The following WDR37 variants were observed in gnomAD, a reference collection of about 807,000 sequenced individuals.
WDR37 encodes WD repeat-containing protein 37.
A neutral mutation model predicts 62.9 loss-of-function variants in WDR37; 19 were observed. That is an observed-to-expected ratio of 0.30 (90% CI 0.21 to 0.44). The LOEUF (loss-of-function observed/expected upper bound fraction) is 0.44. Among genes scored for constraint, WDR37 ranks in the 20% least tolerant of loss-of-function variants. WDR37 has a pLI of 1.00. For missense variants in WDR37, 474 were observed against 657.6 expected, an observed-to-expected ratio of 0.72 and a Z score of 3.05; for synonymous variants, 250 against 260.9, an observed-to-expected ratio of 0.96 and a Z score of 0.40.
chr10:1,062,082 C>G (rs1223683947), intron 1 of WDR37, among the ~76,000 whole-genome samples: 1 of 151,430 alleles, frequency 6.6e-6, no homozygotes, highest in African/African-American at 2.4e-5. Flanking sequence ...GGTGATAGGA[C>G]CAATACAGAC....
chr10:1,107,660 AAC>A (rs1835067464), intron 11 of WDR37, among the ~76,000 whole-genome samples: 2 of 149,066 alleles, frequency 1.3e-5, no homozygotes, highest in South Asian at 2.1e-4. Context: ...CTCTCTCTGA[AAC>A]ACACGCCCAC....
intron 3 of WDR37, among the ~76,000 whole-genome samples, chr10:1,079,191 T>A (rs1017244014): frequency 1.3e-5 from 2 of 150,544 alleles, no homozygotes; most frequent in African/African-American, 5.0e-5. Context: ...TTCAAGCGAT[T>A]CTCATGCCTC....
At chr10:1,066,770 T>C (rs1251668057) in intron 1 of WDR37, among the ~76,000 whole-genome samples, 1 of 152,164 alleles carries the variant, frequency 6.6e-6, no homozygotes, top group Non-Finnish European at 1.5e-5. Context: ...ATTGGGCAAT[T>C]TACAAAGGAA....
At chr10:1,072,325 T>G in intron 2 of WDR37, 32 bp downstream of exon 2, 4 of 1,604,046 alleles carry the variant, frequency 2.5e-6, no homozygotes, top group South Asian at 1.1e-5. Flanking sequence ...CCTTATTGAT[T>G]GATTGATTTT....
At chr10:1,091,358 G>A (rs900235183) in intron 7 of WDR37, among the ~76,000 whole-genome samples, 4 of 152,212 alleles carry the variant, frequency 2.6e-5, no homozygotes, top group Non-Finnish European at 5.9e-5. Context: ...GCTCCATTGA[G>A]TGCTTAAGTT....
chr10:1,099,294 C>T (rs901250318), intron 9 of WDR37, among the ~76,000 whole-genome samples: 1 of 152,200 alleles, frequency 6.6e-6, no homozygotes. Context: ...CCCCCCAGTT[C>T]GGTGCCTGAA....
rs1031314887 is a variant in WDR37 at position 1,056,432 on chromosome 10, G to C, written c.-577G>C. Reference sequence around the variant, plus strand: ...ACCGCGCCGTCCCCGCCAGGCTCCCGCGCGGCCGGCACCGCGGCCCTGAGC... The same window carrying C: ...ACCGCGCCGTCCCCGCCAGGCTCCCCCGCGGCCGGCACCGCGGCCCTGAGC... On this transcript the variant is annotated 5_prime_UTR_variant, in exon 1 of 14. Coordinates refer to ENST00000263150, the MANE Select transcript of WDR37 (RefSeq NM_014023.4). 2 of 152,120 alleles carry C rather than the reference G, an allele frequency of 1.3e-5. No individual in the cohort carries two copies. Among genetic ancestry groups the C allele is most frequent in the Non-Finnish European group, 2.9e-5 (2 of 68,038 alleles). The allele number at this position is 152,120 out of a possible 1,614,324, so 9.4% of individuals were successfully genotyped here.
rs749828281 is a variant in WDR37, at chr10:1,059,191, C to G, written c.-41+2223C>G. Among the ~76,000 whole-genome samples, 7 of 151,654 alleles carry G rather than the reference C, an allele frequency of 4.6e-5. No homozygotes were observed. The East Asian group carries it at 1.4e-3, about 30-fold the overall frequency. ...AGCAGTCCAAGACCACCCTGGCCAA[C>G]ATGGTGAAGTCCCGTCTCTACTAAA... is the stretch of plus-strand genomic sequence containing the variant. On this transcript the variant is annotated intron_variant, in intron 1 of 13. Coordinates refer to ENST00000263150, the MANE Select transcript of WDR37 (RefSeq NM_014023.4).
chr10:1,073,560 C>G (rs760138427), intron 2 of WDR37, among the ~76,000 whole-genome samples: 7 of 152,130 alleles, frequency 4.6e-5, no homozygotes, highest in African/African-American at 7.2e-5. Context: ...ACAAAAATAG[C>G]TTTGGTATTC....
chr10:1,058,461 G>A (rs946304404), intron 1 of WDR37, among the ~76,000 whole-genome samples: 1 of 152,194 alleles, frequency 6.6e-6, no homozygotes, highest in Admixed American at 6.5e-5. Flanking sequence ...TCCCCAAGGT[G>A]AAACTAAGAT....
chr10:1,066,165 G>T (rs1428328528), intron 1 of WDR37, among the ~76,000 whole-genome samples: 1 of 152,092 alleles, frequency 6.6e-6, no homozygotes, highest in Non-Finnish European at 1.5e-5. Context: ...ACCCAGGTTG[G>T]AGTGCAGTGG....
intron 11 of WDR37, among the ~76,000 whole-genome samples, chr10:1,114,899 A>T (rs1016584778): frequency 6.6e-6 from 1 of 152,238 alleles, no homozygotes; most frequent in Non-Finnish European, 1.5e-5. Flanking sequence ...ACCGTGGGTG[A>T]ATAGACGTGC....
chr10:1,090,781 G>A (rs1474830167), intron 7 of WDR37, among the ~76,000 whole-genome samples: 1 of 152,212 alleles, frequency 6.6e-6, no homozygotes. Context: ...ATGTGCACGT[G>A]ATGGAAGGAG....
At chr10:1,074,382 A>C (rs1833805531) in intron 2 of WDR37, 4 of 1,290,476 alleles carry the variant, frequency 3.1e-6, no homozygotes, top group Non-Finnish European at 3.1e-6. Flanking sequence ...GGTAGCTCAG[A>C]GGTCTCCAAG....
chr10:1,067,579 C>G (rs112342924), intron 1 of WDR37, among the ~76,000 whole-genome samples: 15 of 152,184 alleles, frequency 9.9e-5, no homozygotes, highest in African/African-American at 3.4e-4. Flanking sequence ...CAGTAAAAAA[C>G]CCGAATAATA....
chr10:1,093,929 T>C (rs78685456), intron 8 of WDR37, among the ~76,000 whole-genome samples: 197 of 152,360 alleles, frequency 1.3e-3, no homozygotes, highest in African/African-American at 4.6e-3. Flanking sequence ...CTGGGTAATT[T>C]ATCTAACCCG....
chr10:1,088,274 T>A (rs1031166388), intron 7 of WDR37, among the ~76,000 whole-genome samples: 3 of 152,242 alleles, frequency 2.0e-5, no homozygotes, highest in African/African-American at 4.8e-5. Context: ...GAACTTTTCC[T>A]TTGCATTCAG....
Position 1,090,345 on chromosome 10 carries a change from C to T in WDR37, c.605-3107C>T, listed in dbSNP as rs182611772. 1.8e-4 allele frequency among the ~76,000 whole-genome samples: 28 copies of T among 152,132 alleles called. No homozygotes were observed. The East Asian group carries it at 4.8e-3, about 26-fold the overall frequency. ...AGCTAAGTTTTGTATTTTTAGTAGA[C>T]GTGGGGTTTCACCATGTTGGTCAAG... On this transcript the variant is annotated intron_variant, in intron 7 of 13. Transcript: ENST00000263150.
Position 1,060,751 on chromosome 10 carries a change from A to G in WDR37, c.-41+3783A>G, listed in dbSNP as rs143530969. ...ATAACAAATGATGTTTTGGTCAACAACAGACCTCATGTAAGATGGTGGTCC... is the reference window on the plus strand; with the variant it reads ...ATAACAAATGATGTTTTGGTCAACAGCAGACCTCATGTAAGATGGTGGTCC... On this transcript the variant is annotated intron_variant, in intron 1 of 13. Transcript: ENST00000263150. 2.8e-3 allele frequency among the ~76,000 whole-genome samples: 427 copies of G among 152,368 alleles called. 1 individual carries two copies. Among genetic ancestry groups the G allele is most frequent in the African/African-American group, 9.4e-3 (390 of 41,584 alleles).
Sources: allele counts gnomAD v4.1 joint callset (sites outside exome capture counted in the v4.1 genomes callset), GRCh38; gene constraint gnomAD v4.1.1; transcripts MANE v1.5; gene names NCBI Gene and HGNC (gene_info 2026-07-23, HGNC 2026-07-21).